The following CSMD1 variants were observed in gnomAD, a reference collection of about 807,000 sequenced individuals.
CSMD1 encodes the protein CUB and sushi domain-containing protein 1.
Under a neutral mutation model 417.5 loss-of-function variants are expected in CSMD1, and 213 were observed. The observed-to-expected ratio is 0.51, with a 90% CI of 0.46 to 0.57. The LOEUF (loss-of-function observed/expected upper bound fraction) is 0.57. Among genes scored for constraint, CSMD1 ranks in the 20% least tolerant of loss-of-function variants. The probability of loss-of-function intolerance (pLI) is 0.00; values close to 1 mark genes in which losing one functional copy is unlikely to be tolerated. For missense variants in CSMD1, 6,923 were observed against 4,529.7 expected, an observed-to-expected ratio of 1.53 and a Z score of -15.17; for synonymous variants, 2,862 against 1,736.8, an observed-to-expected ratio of 1.65 and a Z score of -16.11.
chr8:3,864,577 C>T (rs1376535563), intron 5 of CSMD1, among the ~76,000 whole-genome samples: 3 of 152,256 alleles, frequency 2.0e-5, no homozygotes, highest in Non-Finnish European at 2.9e-5. Flanking sequence ...ATTAACTCGT[C>T]ATTTAGCACT....
intron 3 of CSMD1, among the ~76,000 whole-genome samples, chr8:4,064,233 C>A (rs1017401390): frequency 2.0e-5 from 3 of 152,198 alleles, no homozygotes; most frequent in African/African-American, 7.2e-5. Context: ...TCCCAGTGGT[C>A]ATTCGCTGAT....
chr8:3,908,109 A>G (rs1808229935), intron 5 of CSMD1, among the ~76,000 whole-genome samples: 1 of 152,174 alleles, frequency 6.6e-6, no homozygotes, highest in Non-Finnish European at 1.5e-5. Flanking sequence ...TTGAGGCTTT[A>G]TGGAGCCCCT....
chr8:4,379,724 A>C (rs1364475725), intron 3 of CSMD1, among the ~76,000 whole-genome samples: 1 of 152,068 alleles, frequency 6.6e-6, no homozygotes, highest in African/African-American at 2.4e-5. Context: ...GCAATGAAGC[A>C]ACAGTGGCAG....
At position 4,398,667 on chromosome 8, in the gene CSMD1, T is replaced by C. The variant is rs1804436531; in HGVS notation, c.415+21286A>G. Among the ~76,000 whole-genome samples, 4 of 152,238 alleles carry C rather than the reference T, an allele frequency of 2.6e-5. No individual in the cohort carries two copies. The South Asian group carries it at 6.2e-4, about 24-fold the overall frequency. On this transcript the variant is annotated intron_variant, in intron 3 of 69. Coordinates refer to ENST00000635120, the MANE Select transcript of CSMD1 (RefSeq NM_033225.6). ...CTCTTGGCCTCCCAAAGTGCTGGGA[T>C]TACAGGCATGAGCCATCACACCCGG...
At chr8:4,700,101 T>G (rs1164172368) in intron 1 of CSMD1, among the ~76,000 whole-genome samples, 20 of 152,156 alleles carry the variant, frequency 1.3e-4, no homozygotes, top group Non-Finnish European at 2.9e-4. Flanking sequence ...CACAGAGTCA[T>G]TTTTCTAATA....
chr8:3,914,778 G>T (rs745449082), intron 5 of CSMD1, among the ~76,000 whole-genome samples: 71 of 151,386 alleles, frequency 4.7e-4, no homozygotes, highest in Non-Finnish European at 8.2e-4. Flanking sequence ...CATTTTTACC[G>T]GTTAATTCCT....
chr8:3,439,742 A>G (rs1487030812), intron 12 of CSMD1, among the ~76,000 whole-genome samples: 4 of 152,246 alleles, frequency 2.6e-5, no homozygotes, highest in East Asian at 3.9e-4. Flanking sequence ...CTAGTCTCAG[A>G]TTGCAAATAT....
At chr8:4,673,068 C>G (rs1408607699) in intron 1 of CSMD1, among the ~76,000 whole-genome samples, 1 of 151,932 alleles carries the variant, frequency 6.6e-6, no homozygotes, top group Non-Finnish European at 1.5e-5. Flanking sequence ...TGACATGGCA[C>G]ACACACACAA....
intron 3 of CSMD1, among the ~76,000 whole-genome samples, chr8:4,117,010 C>A (rs1802192730): frequency 6.6e-6 from 1 of 151,972 alleles, no homozygotes; most frequent in South Asian, 2.1e-4. Flanking sequence ...TGGCCTGACG[C>A]TTAACCTTTT....
chr8:4,801,861 G>A (rs891154061), intron 1 of CSMD1, among the ~76,000 whole-genome samples: 1 of 152,166 alleles, frequency 6.6e-6, no homozygotes, highest in African/African-American at 2.4e-5. Context: ...AGACTACTGA[G>A]ACTTGGCAAG....
intron 2 of CSMD1, among the ~76,000 whole-genome samples, chr8:4,442,120 T>G (rs1403070725): frequency 2.6e-5 from 4 of 152,138 alleles, no homozygotes; most frequent in African/African-American, 9.7e-5. Flanking sequence ...CTCCTCCCAC[T>G]CTTATCTCCT....
chr8:4,992,771 C>G (rs1358341703), intron 1 of CSMD1, among the ~76,000 whole-genome samples: 1 of 152,250 alleles, frequency 6.6e-6, no homozygotes, highest in African/African-American at 2.4e-5. Flanking sequence ...GCCAAGGCAT[C>G]CGGACTGAGC....
At chr8:3,244,206 A>T (rs866172085) in intron 26 of CSMD1, among the ~76,000 whole-genome samples, 1 of 152,184 alleles carries the variant, frequency 6.6e-6, no homozygotes, top group South Asian at 2.1e-4. Flanking sequence ...CTAGGCAGAG[A>T]TGCTATTGCG....
intron 26 of CSMD1, among the ~76,000 whole-genome samples, chr8:3,244,789 C>A (rs554854848): frequency 6.6e-6 from 1 of 152,146 alleles, no homozygotes; most frequent in Non-Finnish European, 1.5e-5. Context: ...ATCTGCACAC[C>A]CTCCAAGCAT....
chr8:3,755,113 A>G (rs542990094), intron 5 of CSMD1, among the ~76,000 whole-genome samples: 6 of 152,368 alleles, frequency 3.9e-5, no homozygotes, highest in Middle Eastern at 6.8e-3. Context: ...ACTAAGGAAT[A>G]AAAGCATTCC....
intron 52 of CSMD1, among the ~76,000 whole-genome samples, chr8:3,014,813 G>A (rs951018427): frequency 1.3e-5 from 2 of 152,080 alleles, no homozygotes; most frequent in Admixed American, 1.3e-4. Flanking sequence ...CTACTTAGGA[G>A]GCTGAGGTGG....
At chr8:4,427,380 G>A (rs1189679635) in intron 2 of CSMD1, among the ~76,000 whole-genome samples, 2 of 152,038 alleles carry the variant, frequency 1.3e-5, no homozygotes, top group East Asian at 1.9e-4. Context: ...GGAACCAGGT[G>A]CTTTATCAAC....
intron 11 of CSMD1, among the ~76,000 whole-genome samples, chr8:3,473,690 T>A (rs893115226): frequency 2.0e-5 from 3 of 152,192 alleles, no homozygotes; most frequent in African/African-American, 7.2e-5. Context: ...TTTTGTTGAA[T>A]GTCATTTCAT....
At chr8:3,836,095 T>C (rs1802681466) in intron 5 of CSMD1, among the ~76,000 whole-genome samples, 1 of 152,166 alleles carries the variant, frequency 6.6e-6, no homozygotes, top group East Asian at 1.9e-4. Flanking sequence ...TTTTAAACTT[T>C]TACCTATGTA....
Sources: gnomAD v4.1 joint callset for allele counts (sites outside exome capture counted in the v4.1 genomes callset) on GRCh38, gnomAD v4.1.1 for gene constraint, MANE v1.5 for transcripts, NCBI Gene and HGNC (gene_info 2026-07-23, HGNC 2026-07-21) for gene names.